Variants in ZNF570 observed in about 807,000 individuals in gnomAD.
ZNF570 encodes zinc finger protein 570.
A neutral mutation model predicts 14.2 loss-of-function variants in ZNF570; 8 were observed. The ratio of observed to expected loss-of-function variants is 0.56; its 90% CI spans 0.33 to 1.02. The LOEUF (loss-of-function observed/expected upper bound fraction) is 1.02. Among genes scored for constraint, ZNF570 ranks in the 50% least tolerant of loss-of-function variants. ZNF570 has a pLI of 0.03. For missense variants in ZNF570, 559 were observed against 624.9 expected (o/e 0.89, Z 1.12); for synonymous variants, 202 against 207.6 (o/e 0.97, Z 0.23).
rs577392471 is a variant in ZNF570, at chr19:37,470,503, C to T, written c.33+116C>T. 8.0e-6 allele frequency: 7 copies of T among 872,028 alleles called. No homozygotes were observed. In the African/African-American group the frequency reaches 8.3e-5, roughly 10 times the overall value. The allele number at this position is 872,028 out of a possible 1,614,324, so 54.0% of individuals were successfully genotyped here. A position where few individuals can be genotyped will look rare whatever the true frequency, so the allele number is the denominator to read the frequency against. On this transcript the variant is annotated intron_variant, in intron 2 of 4. Transcript: ENST00000330173. Reference sequence around the variant, plus strand: ...TAACCAGTCATGTCCCTTATCAACACTCTCCATTGGATTCCCATCTTATTC... The same window carrying T: ...TAACCAGTCATGTCCCTTATCAACATTCTCCATTGGATTCCCATCTTATTC...
chr19:37,476,245 A>C, intron 3 of ZNF570, 94 bp from the exon 4 acceptor site: 1 of 1,455,132 alleles, frequency 6.9e-7, no homozygotes, highest in Non-Finnish European at 9.3e-7. Context: ...TGCTTACTGT[A>C]AACTCCCTTT....
Position 37,484,155 on chromosome 19 carries a change from G to A in ZNF570, c.533G>A (p.Cys178Tyr). 1 of 1,613,768 alleles carries A rather than the reference G, an allele frequency of 6.2e-7. No individual in the cohort carries two copies. Among genetic ancestry groups the A allele is most frequent in the Non-Finnish European group, 8.5e-7 (1 of 1,179,956 alleles). Residue 178 changes from cysteine (C) to tyrosine (Y), a missense_variant, in exon 5 of 5, where the codon TGT becomes TAT. Coordinates refer to ENST00000330173, the MANE Select transcript of ZNF570 (RefSeq NM_144694.5). The part of the protein sequence containing the change: ...WGSFHQNPLL[C>Y]TQKIIPKEEK... ...AGTTTTCATCAGAACCCACTGCTTTGTACACAAAAGATAATCCCCAAAGAG... is the reference window on the plus strand; with the variant it reads ...AGTTTTCATCAGAACCCACTGCTTTATACACAAAAGATAATCCCCAAAGAG...
chr19:37,471,009 A>ATTTTTTGTTTTTTTTTTTT (rs2041952518), intron 2 of ZNF570, among the ~76,000 whole-genome samples: 1 of 84,372 alleles, frequency 1.2e-5, no homozygotes, highest in African/African-American at 5.8e-5. Context: ...CAGTGAGTAC[A>ATTTTTTGTTTTTTTTTTTT]TTTTTTTTTT....
Position 37,483,993 on chromosome 19 carries a change from G to C in ZNF570, c.371G>C (p.Ser124Thr), listed in dbSNP as rs1196394962. 3 of 1,614,024 alleles carry C rather than the reference G, an allele frequency of 1.9e-6. No homozygotes were observed. The highest frequency in any genetic ancestry group is 2.2e-5 in the South Asian group (2 of 91,082). ...TLTSYNLEYS[S>T]LREEWKCEGY... The stretch of plus-strand genomic sequence containing the variant: ...ACAAGCTATAACCTTGAATACTCCA[G>C]TTTGAGAGAAGAGTGGAAATGTGAG... The change falls in exon 5 of 5, where the codon AGT becomes ACT. Residue 124 changes from serine to threonine, a missense_variant. Ser to Thr is a moderately conservative substitution (Grantham distance 58). Transcript: ENST00000330173.
chr19:37,476,288 T>C (rs2042022247), intron 3 of ZNF570, 51 bp from the exon 4 acceptor site: 1 of 1,597,524 alleles, frequency 6.3e-7, no homozygotes. Flanking sequence ...ATGTGAGTTC[T>C]GGAATATCCA....
chr19:37,484,274 T>C lies in ZNF570; in HGVS notation c.652T>C (p.Leu218=). The C allele has an allele frequency of 6.2e-7, 1 of 1,613,162 alleles. No individual in the cohort carries two copies. Among genetic ancestry groups the C allele is most frequent in the Non-Finnish European group, 8.5e-7 (1 of 1,179,842 alleles). ...PKSVCAEKKL[L]KCNDCEKVFS... ...GAGTGTCTGTGCAGAGAAGAAACTTTTGAAATGTAATGACTGTGAAAAAGT... is the reference window on the plus strand; with the variant it reads ...GAGTGTCTGTGCAGAGAAGAAACTTCTGAAATGTAATGACTGTGAAAAAGT... The change falls in exon 5 of 5, where the codon TTG becomes CTG. Residue 218 remains leucine (L), a synonymous_variant. Transcript: ENST00000330173.
intron 3 of ZNF570, 74 bp downstream of exon 3, chr19:37,476,081 GATA>G (rs2042020423): frequency 1.3e-6 from 2 of 1,529,316 alleles, no homozygotes; most frequent in Non-Finnish European, 1.8e-6. Flanking sequence ...TGAATTTTTG[GATA>G]ATATCTGCAA....
At chr19:37,478,582 G>A (rs1234560437) in intron 4 of ZNF570, among the ~76,000 whole-genome samples, 1 of 142,196 alleles carries the variant, frequency 7.0e-6, no homozygotes, top group Non-Finnish European at 1.6e-5. Flanking sequence ...AATATGAATC[G>A]AAGTAGTGAT....
chr19:37,478,966 T>A (rs2042056620), intron 4 of ZNF570, among the ~76,000 whole-genome samples: 1 of 151,342 alleles, frequency 6.6e-6, no homozygotes. Flanking sequence ...AGTTTTCCTT[T>A]CTTGTCAGAT....
At position 37,475,974 on chromosome 19, in the gene ZNF570, A is replaced by T. The variant is rs1198813341; in HGVS notation, c.127A>T (p.Met43Leu). ...SSQRHLYSNVMLENYRILVSL... is the reference protein window; with the variant it reads ...SSQRHLYSNVLLENYRILVSL... ...TCAAAGACATCTGTACAGTAATGTG[A>T]TGCTAGAGAACTACAGGATCTTGGT... is the stretch of plus-strand genomic sequence containing the variant. Residue 43 changes from methionine to leucine, a missense_variant, in exon 3 of 5, where the codon ATG becomes TTG. By Grantham distance (15) the Met-to-Leu change is conservative. Coordinates refer to ENST00000330173, the MANE Select transcript of ZNF570 (RefSeq NM_144694.5). 1.2e-6 allele frequency: 2 copies of T among 1,613,576 alleles called. No individual in the cohort carries two copies. Among genetic ancestry groups the T allele is most frequent in the Non-Finnish European group, 1.7e-6 (2 of 1,179,812 alleles).
In ZNF570 at chr19:37,485,540, G is replaced by C. The variant is rs2042146239; in HGVS notation, c.*307G>C. The C allele has an allele frequency of 8.0e-6, 2 of 248,792 alleles. No individual in the cohort carries two copies. Among genetic ancestry groups the C allele is most frequent in the African/African-American group, 4.5e-5 (2 of 44,368 alleles). 15.4% of individuals were successfully genotyped at this position (248,792 alleles called of 1,614,324 possible). A position where few individuals can be genotyped will look rare whatever the true frequency, so the allele number is the denominator to read the frequency against. Reference sequence around the variant, plus strand: ...GGGTTCAAGCAATTCTCATGCATCAGCCTCCCGAGTAGCTGGGACTATAGA... The same window carrying C: ...GGGTTCAAGCAATTCTCATGCATCACCCTCCCGAGTAGCTGGGACTATAGA... On this transcript the variant is annotated 3_prime_UTR_variant, in exon 5 of 5. Coordinates refer to ENST00000330173, the MANE Select transcript of ZNF570 (RefSeq NM_144694.5).
rs769573336 is a variant in ZNF570 at position 37,484,666 on chromosome 19, CCAGA to C, written c.1045_1048del (p.Gln349GlufsTer190). ...GCAACAGATCATCCATTGCTCAACA[CCAGA>C]GAGTTCATACAGGAGAGAAACCCTA... On this transcript the variant is annotated frameshift_variant, in exon 5 of 5. Coordinates refer to ENST00000330173, the MANE Select transcript of ZNF570 (RefSeq NM_144694.5). LOFTEE classifies it low-confidence loss of function (END_TRUNC). 6.2e-7 allele frequency: 1 copy of C among 1,612,716 alleles called. No homozygotes were observed. Among genetic ancestry groups the C allele is most frequent in the Non-Finnish European group, 8.5e-7 (1 of 1,179,678 alleles).
intron 4 of ZNF570, among the ~76,000 whole-genome samples, chr19:37,482,193 C>T (rs2042095318): frequency 6.6e-6 from 1 of 152,204 alleles, no homozygotes; most frequent in South Asian, 2.1e-4. Flanking sequence ...CCAGCTATTA[C>T]TCCTCTACTC....
Position 37,478,839 on chromosome 19 carries a change from A to G in ZNF570, c.256+2405A>G, listed in dbSNP as rs118024343. Among the ~76,000 whole-genome samples, 969 of 151,482 alleles carry G rather than the reference A, an allele frequency of 6.4e-3. 40 individuals are homozygous for G. Among genetic ancestry groups the G allele is most frequent in the East Asian group, 0.053 (273 of 5,186 alleles). ...ACATACATTTTCAAATGTTGAACCAACATTGCATTCCCAAGTTAAACCCAT... is the reference window on the plus strand; with the variant it reads ...ACATACATTTTCAAATGTTGAACCAGCATTGCATTCCCAAGTTAAACCCAT... On this transcript the variant is annotated intron_variant, in intron 4 of 4. Coordinates refer to ENST00000330173, the MANE Select transcript of ZNF570 (RefSeq NM_144694.5).
chr19:37,484,581 A>T lies in ZNF570; in HGVS notation c.959A>T (p.His320Leu), dbSNP rs2042128020. 6.2e-7 allele frequency: 1 copy of T among 1,614,074 alleles called. No individual in the cohort carries two copies. The highest frequency in any genetic ancestry group is 1.3e-5 in the African/African-American group (1 of 74,944). ...AGCCAGTTTGCCTACCTTGCTCAAC[A>T]TCAGAGAGTTCACACGGGAGAGAAA... The part of the protein sequence containing the change: ...AFSQFAYLAQ[H>L]QRVHTGEKPY... The change falls in exon 5 of 5, where the codon CAT (histidine) becomes CTT (leucine). Residue 320 changes from histidine to leucine, a missense_variant. Physicochemically the swap from His to Leu is moderately conservative, Grantham distance 99. Coordinates refer to ENST00000330173, the MANE Select transcript of ZNF570 (RefSeq NM_144694.5).
upstream of ZNF570, chr19:37,469,197 G>T: frequency 1.6e-6 from 2 of 1,269,878 alleles, no homozygotes; most frequent in South Asian, 3.7e-5. Context: ...ACCTGGTGGG[G>T]AGGAGGCCGT....
Position 37,485,296 on chromosome 19 carries a change from GTCTGATTCATCTCAC to G in ZNF570, c.*71_*85del, listed in dbSNP as rs1385192835. The G allele has an allele frequency of 2.1e-6, 3 of 1,433,078 alleles. No individual in the cohort carries two copies. In the South Asian group the frequency reaches 4.6e-5, roughly 22 times the overall value. 88.8% of individuals were successfully genotyped at this position (1,433,078 alleles called of 1,614,324 possible). A position where few individuals can be genotyped will look rare whatever the true frequency, so the allele number is the denominator to read the frequency against. ...TTTTATCTTTAATGTTGTCACCTTG[GTCTGATTCATCTCAC>G]TCTGATTACTAATATAGCTTTCAAA... On this transcript the variant is annotated 3_prime_UTR_variant, in exon 5 of 5. Transcript: ENST00000330173.
chr19:37,476,034 G>C, intron 3 of ZNF570, 27 bp downstream of exon 3: 1 of 1,579,508 alleles, frequency 6.3e-7, no homozygotes, highest in Non-Finnish European at 8.6e-7. Context: ...GCAAAACTGA[G>C]CTTCTGCTCA....
In ZNF570 at chr19:37,484,858, AC is replaced by A. The variant is rs766137057; in HGVS notation, c.1238del (p.Pro413LeufsTer127). 3.7e-6 allele frequency: 6 copies of A among 1,613,458 alleles called. No homozygotes were observed. Among genetic ancestry groups the A allele is most frequent in the Non-Finnish European group, 5.1e-6 (6 of 1,179,942 alleles). Reference sequence around the variant, plus strand: ...ATCAGAGAATTCATACTGGAGAAAAACCTTATAAGTGTCAGGAATGTAGGAA... The same window carrying A: ...ATCAGAGAATTCATACTGGAGAAAAACTTATAAGTGTCAGGAATGTAGGAA... ...QHQRIHTGEK[P>X]YKCQECRKAF... On this transcript the variant is annotated frameshift_variant, in exon 5 of 5. Transcript: ENST00000330173. LOFTEE classifies it low-confidence loss of function (END_TRUNC).
Sources: allele counts gnomAD v4.1 joint callset (sites outside exome capture counted in the v4.1 genomes callset), GRCh38; gene constraint gnomAD v4.1.1; transcripts MANE v1.5; gene names NCBI Gene and HGNC (gene_info 2026-07-23, HGNC 2026-07-21).